The following CDH23 variants were observed in gnomAD, a reference collection of about 807,000 sequenced individuals.
CDH23 encodes the protein cadherin related 23, also known as cadherin-23.
In CDH23, 189 loss-of-function variants were observed where a neutral mutation model predicts 317.1. The observed-to-expected ratio is 0.60, with a 90% CI of 0.53 to 0.67. The LOEUF (loss-of-function observed/expected upper bound fraction) is 0.67. Among genes scored for constraint, CDH23 ranks in the 30% least tolerant of loss-of-function variants. The pLI, the probability that CDH23 is intolerant of heterozygous loss-of-function variation, is 0.00. For missense variants in CDH23, 4,401 were observed against 4,592.4 expected (o/e 0.96, Z 1.20); for synonymous variants, 1,839 against 1,876.8 (o/e 0.98, Z 0.52).
chr10:71,523,068 C>T (rs767702015), intron 6 of CDH23, among the ~76,000 whole-genome samples: 2 of 152,130 alleles, frequency 1.3e-5, no homozygotes, highest in African/African-American at 2.4e-5. Flanking sequence ...GGTTTTACTG[C>T]CCGGCTGCTG....
chr10:71,679,061 G>A (rs910403430), intron 16 of CDH23, among the ~76,000 whole-genome samples: 1 of 152,106 alleles, frequency 6.6e-6, no homozygotes, highest in Non-Finnish European at 1.5e-5. Flanking sequence ...GGTTGGGGGT[G>A]GGAGGTAATT....
intron 11 of CDH23, among the ~76,000 whole-genome samples, chr10:71,624,120 C>T (rs1861597890): frequency 6.6e-6 from 1 of 152,178 alleles, no homozygotes. Flanking sequence ...GGGCCTTCCC[C>T]CTGCCCACTG....
chr10:71,599,990 C>CTTTT (rs1174206523), intron 9 of CDH23, among the ~76,000 whole-genome samples: 13 of 109,540 alleles, frequency 1.2e-4, no homozygotes, highest in African/African-American at 2.6e-4. Flanking sequence ...AATGTCTTTC[C>CTTTT]TTTTTTTTTT....
intron 6 of CDH23, among the ~76,000 whole-genome samples, chr10:71,546,018 AC>A (rs1411917301): frequency 3.3e-5 from 5 of 152,080 alleles, no homozygotes; most frequent in African/African-American, 1.2e-4. Context: ...GTCTTGTGTA[AC>A]CCGGCTGTCC....
intron 3 of CDH23, among the ~76,000 whole-genome samples, chr10:71,446,867 C>T (rs1850195606): frequency 6.6e-6 from 1 of 152,190 alleles, no homozygotes; most frequent in Non-Finnish European, 1.5e-5. Context: ...GTGTCTGGCC[C>T]CCTACTGAGG....
At chr10:71,463,240 C>T (rs577315155) in intron 3 of CDH23, among the ~76,000 whole-genome samples, 29 of 152,294 alleles carry the variant, frequency 1.9e-4, no homozygotes, top group Non-Finnish European at 2.9e-4. Context: ...GCAGGCTGCC[C>T]GGGAGCCCAA....
At chr10:71,558,207 C>T (rs1196024351) in intron 6 of CDH23, among the ~76,000 whole-genome samples, 1 of 152,102 alleles carries the variant, frequency 6.6e-6, no homozygotes, top group Non-Finnish European at 1.5e-5. Flanking sequence ...ACCATGTTGA[C>T]CAGGCTGGTC....
intron 9 of CDH23, among the ~76,000 whole-genome samples, chr10:71,596,791 A>G (rs1859877138): frequency 6.6e-6 from 1 of 152,098 alleles, no homozygotes; most frequent in Non-Finnish European, 1.5e-5. Flanking sequence ...CGTGTTGGGC[A>G]GGGGGGAGCA....
intron 14 of CDH23, among the ~76,000 whole-genome samples, chr10:71,672,621 C>T (rs577252107): frequency 1.1e-4 from 17 of 152,202 alleles, no homozygotes; most frequent in Non-Finnish European, 2.1e-4. Flanking sequence ...GGACAAGGGT[C>T]ACTGTGGGAA....
chr10:71,640,083 C>T (rs752873824), intron 11 of CDH23, among the ~76,000 whole-genome samples: 2 of 152,164 alleles, frequency 1.3e-5, no homozygotes, highest in African/African-American at 4.8e-5. Flanking sequence ...TTTGAAACCC[C>T]AAGAATTCTC....
intron 3 of CDH23, among the ~76,000 whole-genome samples, chr10:71,470,737 C>T (rs1014025744): frequency 2.6e-5 from 4 of 152,134 alleles, no homozygotes; most frequent in Non-Finnish European, 4.4e-5. Flanking sequence ...GTGATCCTCC[C>T]GCCTTGGCCT....
intron 3 of CDH23, among the ~76,000 whole-genome samples, chr10:71,452,405 C>A (rs928447377): frequency 6.6e-6 from 1 of 152,190 alleles, no homozygotes; most frequent in Non-Finnish European, 1.5e-5. Flanking sequence ...CTCAGCGAGT[C>A]GCCCCCACTC....
intron 6 of CDH23, among the ~76,000 whole-genome samples, chr10:71,557,562 C>T (rs1856932012): frequency 6.6e-6 from 1 of 152,198 alleles, no homozygotes; most frequent in Non-Finnish European, 1.5e-5. Flanking sequence ...TTGAAGTACA[C>T]TCTTCAGTAA....
chr10:71,501,844 G>C (rs1853352548), intron 3 of CDH23, among the ~76,000 whole-genome samples: 1 of 152,208 alleles, frequency 6.6e-6, no homozygotes, highest in Non-Finnish European at 1.5e-5. Flanking sequence ...GCCAGGAGGA[G>C]GAGGGTGGGT....
chr10:71,559,545 G>C (rs934223421), intron 6 of CDH23, among the ~76,000 whole-genome samples: 22 of 152,228 alleles, frequency 1.4e-4, no homozygotes, highest in African/African-American at 5.3e-4. Flanking sequence ...ACTTTGATGA[G>C]TGTCTTTCAG....
At chr10:71,529,985 C>T (rs1855268262) in intron 6 of CDH23, among the ~76,000 whole-genome samples, 2 of 151,708 alleles carry the variant, frequency 1.3e-5, no homozygotes, top group South Asian at 2.1e-4. Flanking sequence ...TTGTAACTCC[C>T]TCTGGGGCTG....
intron 55 of CDH23, among the ~76,000 whole-genome samples, chr10:71,805,141 C>G (rs1196553570): frequency 6.6e-6 from 1 of 152,168 alleles, no homozygotes. Flanking sequence ...TTCTTTTTCC[C>G]TGGGCAGCCT....
chr10:71,713,298 G>A (rs750046743), intron 28 of CDH23: 1 of 779,096 alleles, frequency 1.3e-6, no homozygotes, highest in African/African-American at 1.7e-5. Flanking sequence ...AGGCTCAGAG[G>A]GAGAGAAGGG....
At chr10:71,744,784 C>T (rs964883063) in intron 38 of CDH23, among the ~76,000 whole-genome samples, 2 of 152,202 alleles carry the variant, frequency 1.3e-5, no homozygotes, top group African/African-American at 4.8e-5. Context: ...GACCCTGAGG[C>T]CATCCATCTC....
Sources: gnomAD v4.1 joint callset for allele counts (sites outside exome capture counted in the v4.1 genomes callset) on GRCh38, gnomAD v4.1.1 for gene constraint, MANE v1.5 for transcripts, NCBI Gene and HGNC (gene_info 2026-07-23, HGNC 2026-07-21) for gene names.